Variants in GRIP1 observed in about 807,000 individuals in gnomAD.
The protein encoded by GRIP1 is glutamate receptor-interacting protein 1.
In GRIP1, 45 loss-of-function variants were observed where a neutral mutation model predicts 129.9. The observed-to-expected ratio is 0.35, with a 90% confidence interval of 0.27 to 0.44. The LOEUF (loss-of-function observed/expected upper bound fraction) is 0.44. Ranked by LOEUF, GRIP1 falls within the 20% of genes least tolerant of loss-of-function variation. The pLI is 1.00. For synonymous variants in GRIP1, 530 were observed against 520.8 expected (o/e 1.02, Z -0.24); for missense variants, 1,196 against 1,396.8 (o/e 0.86, Z 2.29).
At chr12:66,959,494 T>C (rs2041891389) in intron 1 of GRIP1, among the ~76,000 whole-genome samples, 1 of 152,190 alleles carries the variant, frequency 6.6e-6, no homozygotes, top group Non-Finnish European at 1.5e-5. Flanking sequence ...TCAGGTTTAA[T>C]TTATGACTCA....
At chr12:67,059,155 C>T (rs2043488535) in intron 1 of GRIP1, among the ~76,000 whole-genome samples, 2 of 152,166 alleles carry the variant, frequency 1.3e-5, no homozygotes, top group Admixed American at 6.5e-5. Context: ...GAGCACACCT[C>T]CCAAGATCCC....
intron 3 of GRIP1, 147 bp from the exon 4 acceptor site, chr12:66,539,370 G>T (rs1404443378): frequency 2.1e-6 from 2 of 952,100 alleles, no homozygotes; most frequent in Non-Finnish European, 3.3e-6. Context: ...CCTAGGAGAC[G>T]GTGGGCCCTT....
Position 66,405,011 on chromosome 12 carries a change from T to A in GRIP1, c.1984+1272A>T, listed in dbSNP as rs1276804454. Among the ~76,000 whole-genome samples the A allele has an allele frequency of 3.9e-5, 6 of 152,134 alleles. 1 individual carries two copies. Among genetic ancestry groups the A allele is most frequent in the Non-Finnish European group, 8.8e-5 (6 of 68,024 alleles). Reference sequence around the variant, plus strand: ...GGCGCCACTGCACTCCATGGCACACTCCAGCCTGGGTGTGCCACACAAAAC... The same window carrying A: ...GGCGCCACTGCACTCCATGGCACACACCAGCCTGGGTGTGCCACACAAAAC... On this transcript the variant is annotated intron_variant, in intron 16 of 24. Coordinates refer to ENST00000359742, the MANE Select transcript of GRIP1 (RefSeq NM_001366722.1).
intron 1 of GRIP1, among the ~76,000 whole-genome samples, chr12:66,763,163 GC>G (rs2037525836): frequency 6.6e-6 from 1 of 152,062 alleles, no homozygotes; most frequent in Admixed American, 6.6e-5. Flanking sequence ...GCTAATCCTT[GC>G]TGTCCTTAAA....
chr12:66,891,259 G>A (rs2040652838), intron 1 of GRIP1, among the ~76,000 whole-genome samples: 1 of 152,170 alleles, frequency 6.6e-6, no homozygotes. Flanking sequence ...ACAAGGCCTT[G>A]CATAGCCTTA....
chr12:66,619,176 A>C (rs907750276), intron 1 of GRIP1, among the ~76,000 whole-genome samples: 1 of 152,098 alleles, frequency 6.6e-6, no homozygotes, highest in East Asian at 1.9e-4. Flanking sequence ...GTCAAAGTAA[A>C]CCCTGTGAAT....
intron 1 of GRIP1, among the ~76,000 whole-genome samples, chr12:66,771,928 T>C (rs914683610): frequency 2.0e-5 from 3 of 152,138 alleles, no homozygotes; most frequent in Non-Finnish European, 2.9e-5. Context: ...GATCTGCACA[T>C]ACAAATGGTT....
At chr12:66,892,787 C>T (rs933231957) in intron 1 of GRIP1, among the ~76,000 whole-genome samples, 4 of 152,040 alleles carry the variant, frequency 2.6e-5, no homozygotes, top group Non-Finnish European at 5.9e-5. Flanking sequence ...CATGAGACCC[C>T]ATCTCTACAA....
At position 66,838,484 on chromosome 12, in the gene GRIP1, C is replaced by T. The variant is rs373090196; in HGVS notation, c.58+230566G>A. Among the ~76,000 whole-genome samples, 110 of 152,288 alleles carry T rather than the reference C, an allele frequency of 7.2e-4. 1 individual carries two copies. The highest frequency in any genetic ancestry group is 3.4e-3 in the Middle Eastern group (1 of 294). ...TCTTGCCTAGAGTAAACACAGGAGA[C>T]GCAAAACTCTGATCAGACAAGAATC... On this transcript the variant is annotated intron_variant, in intron 1 of 1. Coordinates refer to the GRIP1 transcript ENST00000643019.
intron 1 of GRIP1, among the ~76,000 whole-genome samples, chr12:66,946,802 C>CTA (rs1491305635): frequency 8.9e-5 from 1 of 11,240 alleles, no homozygotes; most frequent in Non-Finnish European, 1.7e-4. Flanking sequence ...GGTGTGGGGG[C>CTA]TGGGGGGGGC....
intron 1 of GRIP1, among the ~76,000 whole-genome samples, chr12:66,838,706 G>C (rs1223865986): frequency 6.6e-6 from 1 of 152,192 alleles, no homozygotes; most frequent in African/African-American, 2.4e-5. Context: ...ATAAAAATAG[G>C]TGAGTTGATT....
At chr12:66,791,506 C>G (rs1255908798) in intron 1 of GRIP1, among the ~76,000 whole-genome samples, 1 of 152,054 alleles carries the variant, frequency 6.6e-6, no homozygotes, top group Non-Finnish European at 1.5e-5. Context: ...ATGTCAGTAG[C>G]AGGAGTGAAG....
At chr12:66,708,243 C>T (rs1172800447) in intron 1 of GRIP1, among the ~76,000 whole-genome samples, 2 of 151,872 alleles carry the variant, frequency 1.3e-5, no homozygotes, top group Non-Finnish European at 2.9e-5. Context: ...TGCTTTTTTA[C>T]ATCAATAATT....
At chr12:66,506,074 G>A (rs1043405441) in intron 7 of GRIP1, among the ~76,000 whole-genome samples, 21 of 152,274 alleles carry the variant, frequency 1.4e-4, no homozygotes, top group African/African-American at 4.6e-4. Context: ...TGAAGGATGT[G>A]AAACTGTTAG....
chr12:66,664,101 T>C (rs1186565205), intron 1 of GRIP1, among the ~76,000 whole-genome samples: 1 of 151,868 alleles, frequency 6.6e-6, no homozygotes, highest in East Asian at 1.9e-4. Context: ...AAAAGGGAGA[T>C]TACATTTTTT....
intron 1 of GRIP1, among the ~76,000 whole-genome samples, chr12:66,811,965 T>C (rs1229255500): frequency 6.6e-6 from 1 of 152,202 alleles, no homozygotes; most frequent in Admixed American, 6.5e-5. Context: ...TCTCGGCCTT[T>C]TTCTCTTAAA....
chr12:66,806,706 T>C (rs1362070748), upstream of GRIP1, among the ~76,000 whole-genome samples: 1 of 152,200 alleles, frequency 6.6e-6, no homozygotes, highest in Non-Finnish European at 1.5e-5. Context: ...GGTAAGCAAC[T>C]ATTTTTGCAC....
chr12:66,589,153 C>T (rs1350371565), intron 2 of GRIP1, among the ~76,000 whole-genome samples: 4 of 151,232 alleles, frequency 2.6e-5, no homozygotes, highest in Non-Finnish European at 5.9e-5. Flanking sequence ...GCATGAAATA[C>T]ATGGTAACTA....
chr12:66,492,682 A>C (rs561686867), intron 7 of GRIP1, among the ~76,000 whole-genome samples: 1 of 152,272 alleles, frequency 6.6e-6, no homozygotes, highest in Non-Finnish European at 1.5e-5. Flanking sequence ...GCTAGAAGGG[A>C]CAGCAAATAA....
Sources: gnomAD v4.1 joint callset for allele counts (sites outside exome capture counted in the v4.1 genomes callset) on GRCh38, gnomAD v4.1.1 for gene constraint, MANE v1.5 for transcripts, NCBI Gene and HGNC (gene_info 2026-07-23, HGNC 2026-07-21) for gene names.